IFT56: variants seen among roughly 807,000 people sequenced by gnomAD.
The protein encoded by IFT56 is intraflagellar transport protein 56.
the IFT56 span, chr7:139,168,456 A>G: frequency 7.7e-7 from 1 of 1,306,200 alleles, no homozygotes; most frequent in South Asian, 1.2e-5. Flanking sequence ...ATGGAAGAGA[A>G]CAAAATGACT....
the IFT56 span, chr7:139,168,449 G>A: frequency 2.1e-6 from 3 of 1,396,204 alleles, no homozygotes; most frequent in African/African-American, 1.4e-5. Flanking sequence ...TAAGTGTATG[G>A]AAGAGAACAA....
the IFT56 span, among the ~76,000 whole-genome samples, chr7:139,176,063 C>A: frequency 1.3e-5 from 2 of 151,946 alleles, no homozygotes; most frequent in African/African-American, 4.8e-5. Context: ...AAATGATCCA[C>A]CCACCTCAGC....
At chr7:139,157,749 G>A in the IFT56 span, among the ~76,000 whole-genome samples, 3 of 151,964 alleles carry the variant, frequency 2.0e-5, no homozygotes, top group East Asian at 3.9e-4. Flanking sequence ...CAAGCGATCC[G>A]CCTGCCTTGG....
the IFT56 span, chr7:139,161,398 G>A: frequency 5.5e-6 from 1 of 181,470 alleles, no homozygotes; most frequent in East Asian, 1.5e-4. Flanking sequence ...GAGCTAGAAT[G>A]AGGCTGACAT....
chr7:139,151,383 TA>T, the IFT56 span, among the ~76,000 whole-genome samples: 168 of 151,898 alleles, frequency 1.1e-3, 1 homozygote, highest in Middle Eastern at 6.8e-3. Context: ...AAAAATAAAA[TA>T]AAAAAGGAGG....
chr7:139,138,743 A>G, the IFT56 span, among the ~76,000 whole-genome samples: 29 of 152,098 alleles, frequency 1.9e-4, no homozygotes, highest in African/African-American at 6.3e-4. Flanking sequence ...GTTTTGGGGA[A>G]ATTGTTTTTC....
the IFT56 span, chr7:139,181,194 A>G: frequency 1.9e-6 from 3 of 1,607,016 alleles, no homozygotes; most frequent in East Asian, 4.5e-5. Flanking sequence ...AATGACTGCT[A>G]CAAGGTGAGT....
At chr7:139,139,654 T>G in the IFT56 span, among the ~76,000 whole-genome samples, 2 of 152,220 alleles carry the variant, frequency 1.3e-5, no homozygotes, top group Admixed American at 6.5e-5. Context: ...CTATCAGTAT[T>G]AACTGGGGGA....
the IFT56 span, among the ~76,000 whole-genome samples, chr7:139,165,514 C>T: frequency 1.3e-5 from 2 of 151,294 alleles, no homozygotes; most frequent in Admixed American, 1.3e-4. Context: ...CATTGTTTTT[C>T]CTCCCCTTCC....
At chr7:139,137,396 C>G in the IFT56 span, among the ~76,000 whole-genome samples, 43 of 152,268 alleles carry the variant, frequency 2.8e-4, no homozygotes, top group African/African-American at 9.6e-4. Flanking sequence ...TGCAACAGGA[C>G]TCAAGTGGGA....
At chr7:139,179,562 CTCT>C in the IFT56 span, 1 of 1,612,660 alleles carries the variant, frequency 6.2e-7, no homozygotes. Flanking sequence ...CCTTTCTTTC[CTCT>C]TCTTGCAGGC....
At chr7:139,190,804 C>T in the IFT56 span, 1 of 152,086 alleles carries the variant, frequency 6.6e-6, no homozygotes, top group Non-Finnish European at 1.5e-5. Flanking sequence ...GTTTTTACAC[C>T]ATATAGTTTT....
At chr7:139,186,110 T>C in the IFT56 span, among the ~76,000 whole-genome samples, 1 of 150,594 alleles carries the variant, frequency 6.6e-6, no homozygotes, top group African/African-American at 2.5e-5. Context: ...TTGGTAACAG[T>C]ATGTATTTAT....
the IFT56 span, among the ~76,000 whole-genome samples, chr7:139,170,396 C>T: frequency 6.6e-6 from 1 of 151,990 alleles, no homozygotes; most frequent in African/African-American, 2.4e-5. Flanking sequence ...ACCAAAGGCA[C>T]ATCAAAAAAA....
At chr7:139,189,509 T>C in the IFT56 span, 1 of 1,001,672 alleles carries the variant, frequency 1.0e-6, no homozygotes, top group South Asian at 1.4e-5. Context: ...GTTTAATCTG[T>C]GATACAGGGC....
chr7:139,187,316 TAC>T, the IFT56 span: 1 of 1,483,252 alleles, frequency 6.7e-7, no homozygotes, highest in South Asian at 1.3e-5. Context: ...ACTTATTTCA[TAC>T]AGTCCCGTTT....
chr7:139,150,333 T>G, the IFT56 span, among the ~76,000 whole-genome samples: 1 of 152,194 alleles, frequency 6.6e-6, no homozygotes, highest in African/African-American at 2.4e-5. Context: ...CCTTTCTACC[T>G]AGAGTCAGTC....
the IFT56 span, chr7:139,134,564 G>A: frequency 2.1e-6 from 3 of 1,412,692 alleles, no homozygotes; most frequent in Admixed American, 2.4e-5. Context: ...CACTGTGCCC[G>A]GCCTTGACTT....
the IFT56 span, among the ~76,000 whole-genome samples, chr7:139,174,720 T>C: frequency 2.6e-5 from 4 of 152,136 alleles, no homozygotes; most frequent in African/African-American, 9.7e-5. Flanking sequence ...CAGACATTTC[T>C]TAAAAGGAGA....
Sources: allele counts gnomAD v4.1 joint callset (sites outside exome capture counted in the v4.1 genomes callset), GRCh38; gene constraint gnomAD v4.1.1; transcripts MANE v1.5; gene names NCBI Gene and HGNC (gene_info 2026-07-23, HGNC 2026-07-21).